CADM2: variants seen among roughly 807,000 people sequenced by gnomAD.
CADM2 encodes the protein cell adhesion molecule 2.
In CADM2, 12 loss-of-function variants were observed where a neutral mutation model predicts 49.8. That is an observed-to-expected ratio of 0.24 (90% CI 0.15 to 0.39). The LOEUF is 0.39. Ranked by LOEUF, CADM2 falls within the 10% of genes least tolerant of loss-of-function variation. The pLI, the probability that CADM2 is intolerant of heterozygous loss-of-function variation, is 1.00. For synonymous variants in CADM2, 214 were observed against 175.4 expected (o/e 1.22, Z -1.74); for missense variants, 378 against 492.3 (o/e 0.77, Z 2.20).
At chr3:85,863,891 T>C (rs1489192182) in intron 3 of CADM2, among the ~76,000 whole-genome samples, 2 of 152,174 alleles carry the variant, frequency 1.3e-5, no homozygotes, top group Non-Finnish European at 2.9e-5. Flanking sequence ...GAATGAAATG[T>C]TCTGGTTGCA....
chr3:85,420,229 T>C (rs1443036864), intron 1 of CADM2, among the ~76,000 whole-genome samples: 1 of 152,176 alleles, frequency 6.6e-6, no homozygotes, highest in African/African-American at 2.4e-5. Context: ...CTCAAACTTT[T>C]GCTGCACTAA....
At chr3:85,421,281 G>A (rs888704701) in intron 1 of CADM2, among the ~76,000 whole-genome samples, 4 of 152,088 alleles carry the variant, frequency 2.6e-5, no homozygotes, top group Non-Finnish European at 5.9e-5. Context: ...TAAAAATGGA[G>A]CAGTTAGTGT....
At chr3:85,029,415 G>A (rs1383382255) in intron 1 of CADM2, among the ~76,000 whole-genome samples, 1 of 152,142 alleles carries the variant, frequency 6.6e-6, no homozygotes, top group African/African-American at 2.4e-5. Context: ...TCTTTGTTAA[G>A]GATCTTTCTC....
intron 1 of CADM2, among the ~76,000 whole-genome samples, chr3:85,107,885 T>C (rs2038306079): frequency 6.6e-6 from 1 of 151,564 alleles, no homozygotes; most frequent in South Asian, 2.1e-4. Context: ...ATTTTTAGTA[T>C]AGATAGGGTT....
intron 1 of CADM2, among the ~76,000 whole-genome samples, chr3:85,360,049 A>AT (rs2032242221): frequency 6.6e-6 from 1 of 151,846 alleles, no homozygotes; most frequent in Admixed American, 6.6e-5. Context: ...GAAAATGTGA[A>AT]TTTTCACGTA....
intron 3 of CADM2, among the ~76,000 whole-genome samples, chr3:85,811,552 C>G (rs2072878303): frequency 8.5e-5 from 13 of 152,132 alleles, no homozygotes; most frequent in Admixed American, 8.5e-4. Context: ...TGAAAGAAAA[C>G]TTGTTCTGAT....
intron 2 of CADM2, among the ~76,000 whole-genome samples, chr3:85,766,666 A>G (rs1294446165): frequency 6.6e-6 from 1 of 152,146 alleles, no homozygotes; most frequent in Admixed American, 6.6e-5. Flanking sequence ...CAGTTTAGTT[A>G]TGTTGGTCTT....
chr3:85,103,479 T>C (rs2038088590), intron 1 of CADM2, among the ~76,000 whole-genome samples: 1 of 152,020 alleles, frequency 6.6e-6, no homozygotes, highest in Non-Finnish European at 1.5e-5. Context: ...GGATTCTGTC[T>C]ATAAGAAACT....
chr3:85,543,801 C>A lies in CADM2; in HGVS notation c.62-182721C>A, dbSNP rs1015569860. The stretch of plus-strand genomic sequence containing the variant: ...CTTCTTAAAGCCCTTTATATAATGG[C>A]ATGTATTGACTTATGAGAGCAAAAT... On this transcript the variant is annotated intron_variant, in intron 1 of 9. Transcript: ENST00000383699. Among the ~76,000 whole-genome samples the A allele has an allele frequency of 3.3e-5, 5 of 152,262 alleles. No individual in the cohort carries two copies. The East Asian group carries it at 7.8e-4, about 24-fold the overall frequency.
At position 85,719,932 on chromosome 3, in the gene CADM2, T is replaced by TA. The variant is rs148924305; in HGVS notation, c.62-6580dup. 7.9e-3 allele frequency among the ~76,000 whole-genome samples: 1,152 copies of TA among 146,258 alleles called. 8 individuals carry two copies. Among genetic ancestry groups the TA allele is most frequent in the East Asian group, 0.031 (158 of 5,052 alleles). ...TGGTTTTCACAAGTGTTTAATTTTG[T>TA]AAAAAAAAAACAAAAAACAAGACTT... On this transcript the variant is annotated intron_variant, in intron 1 of 9. Coordinates refer to ENST00000383699, the MANE Select transcript of CADM2 (RefSeq NM_001167675.2).
At chr3:85,653,685 T>G (rs1455046844) in intron 1 of CADM2, among the ~76,000 whole-genome samples, 17 of 151,994 alleles carry the variant, frequency 1.1e-4, no homozygotes, top group Admixed American at 1.1e-3. Context: ...AGATATAAAT[T>G]TGGAAAGAAT....
intron 1 of CADM2, among the ~76,000 whole-genome samples, chr3:85,235,607 G>T (rs566054878): frequency 1.2e-3 from 181 of 152,004 alleles, no homozygotes; most frequent in African/African-American, 4.2e-3. Context: ...TGTTAATCTA[G>T]ATTTTATCAT....
At chr3:85,171,710 TTTGTATGTACAG>T (rs2040632728) in intron 1 of CADM2, among the ~76,000 whole-genome samples, 1 of 152,198 alleles carries the variant, frequency 6.6e-6, no homozygotes, top group African/African-American at 2.4e-5. Flanking sequence ...ATTAAATAAT[TTTGTATGTACAG>T]TTGCATGTTT....
intron 2 of CADM2, among the ~76,000 whole-genome samples, chr3:85,745,118 G>T (rs554328214): frequency 6.6e-6 from 1 of 152,068 alleles, no homozygotes; most frequent in Non-Finnish European, 1.5e-5. Context: ...AAGAGTCAAG[G>T]GTGTCTCTAA....
chr3:85,705,448 T>G (rs1403385796), intron 1 of CADM2, among the ~76,000 whole-genome samples: 1 of 152,220 alleles, frequency 6.6e-6, no homozygotes, highest in African/African-American at 2.4e-5. Flanking sequence ...CTGTCCTATA[T>G]GTGATATTGA....
At chr3:85,222,701 T>C (rs2042069878) in intron 1 of CADM2, among the ~76,000 whole-genome samples, 1 of 152,108 alleles carries the variant, frequency 6.6e-6, no homozygotes, top group African/African-American at 2.4e-5. Flanking sequence ...CCTAACTCAT[T>C]TGGTTATTAT....
At chr3:86,018,680 G>A (rs1238798912) in intron 8 of CADM2, among the ~76,000 whole-genome samples, 1 of 152,150 alleles carries the variant, frequency 6.6e-6, no homozygotes, top group African/African-American at 2.4e-5. Context: ...GTCTTCTTTT[G>A]AGAAGTGTCT....
At position 86,012,527 on chromosome 3, in the gene CADM2, G is replaced by A. The variant is rs923531504; in HGVS notation, c.970+50880G>A. 1.9e-5 allele frequency: 26 copies of A among 1,364,698 alleles called. No homozygotes were observed. The African/African-American group carries it at 3.1e-4, about 16-fold the overall frequency. 84.5% of individuals were successfully genotyped at this position (1,364,698 alleles called of 1,614,324 possible). A position where few individuals can be genotyped will look rare whatever the true frequency, so the allele number is the denominator to read the frequency against. On this transcript the variant is annotated intron_variant, in intron 8 of 9. Coordinates refer to ENST00000383699, the MANE Select transcript of CADM2 (RefSeq NM_001167675.2). ...GCGGACTGCCCTGAGGAGGCCGGGA[G>A]CGGAGGGCTGGGCCAGCCAGCGGGC...
At chr3:85,427,148 G>A (rs941374379) in intron 1 of CADM2, among the ~76,000 whole-genome samples, 2 of 136,380 alleles carry the variant, frequency 1.5e-5, no homozygotes, top group Non-Finnish European at 3.0e-5. Context: ...ATTACTCACT[G>A]ATGTATTGGA....
Sources: gnomAD v4.1 joint callset for allele counts (sites outside exome capture counted in the v4.1 genomes callset) on GRCh38, gnomAD v4.1.1 for gene constraint, MANE v1.5 for transcripts, NCBI Gene and HGNC (gene_info 2026-07-23, HGNC 2026-07-21) for gene names.